The following CAMK4 variants were observed in gnomAD, a reference collection of about 807,000 sequenced individuals.
CAMK4 encodes the protein calcium/calmodulin-dependent protein kinase type IV.
Under a neutral mutation model 44.9 loss-of-function variants are expected in CAMK4, and 22 were observed. The ratio of observed to expected loss-of-function variants is 0.49; its 90% confidence interval spans 0.35 to 0.70. The LOEUF is 0.70. CAMK4 is among the 30% of genes least tolerant of loss of function. CAMK4 has a pLI of 0.01. For synonymous variants in CAMK4, 218 were observed against 215.4 expected (o/e 1.01, Z -0.11); for missense variants, 498 against 586.8 (o/e 0.85, Z 1.56).
chr5:111,472,599 C>T (rs918195549), intron 7 of CAMK4, among the ~76,000 whole-genome samples: 2 of 152,204 alleles, frequency 1.3e-5, no homozygotes, highest in African/African-American at 2.4e-5. Context: ...TGCTATTCTC[C>T]ACACCAGGGC....
chr5:111,342,731 T>C (rs894296915), intron 1 of CAMK4, among the ~76,000 whole-genome samples: 2 of 151,608 alleles, frequency 1.3e-5, no homozygotes, highest in Non-Finnish European at 3.0e-5. Context: ...TATTTCATTT[T>C]AGCTCCATTA....
At chr5:111,398,712 A>G (rs1752111702) in intron 5 of CAMK4, among the ~76,000 whole-genome samples, 1 of 152,166 alleles carries the variant, frequency 6.6e-6, no homozygotes, top group South Asian at 2.1e-4. Flanking sequence ...GTAGGTGTAT[A>G]TTCCTGATTC....
intron 1 of CAMK4, among the ~76,000 whole-genome samples, chr5:111,341,090 A>G (rs1580619013): frequency 6.6e-6 from 1 of 150,844 alleles, no homozygotes; most frequent in African/African-American, 2.4e-5. Flanking sequence ...TTAATGTGTT[A>G]TTTTCTTATC....
chr5:111,403,556 G>T (rs952623619), intron 5 of CAMK4, among the ~76,000 whole-genome samples: 2 of 152,138 alleles, frequency 1.3e-5, no homozygotes, highest in East Asian at 3.8e-4. Flanking sequence ...TTCATATTAA[G>T]AATTGAGAGA....
At chr5:111,438,579 T>C (rs1753724821) in intron 5 of CAMK4, among the ~76,000 whole-genome samples, 2 of 152,160 alleles carry the variant, frequency 1.3e-5, no homozygotes, top group South Asian at 4.1e-4. Flanking sequence ...ATCATAATTT[T>C]TTACATTCAT....
chr5:111,467,898 A>G (rs1246433363), intron 7 of CAMK4, among the ~76,000 whole-genome samples: 1 of 151,378 alleles, frequency 6.6e-6, no homozygotes, highest in Non-Finnish European at 1.5e-5. Context: ...AAACTTGCCC[A>G]AATGGCTATC....
chr5:111,379,231 C>G (rs1751325924), intron 4 of CAMK4, among the ~76,000 whole-genome samples: 1 of 152,156 alleles, frequency 6.6e-6, no homozygotes, highest in Non-Finnish European at 1.5e-5. Context: ...TTACCTACCT[C>G]TATTGGCTTG....
At chr5:111,454,794 C>T (rs57249564) in intron 7 of CAMK4, among the ~76,000 whole-genome samples, 2,803 of 152,044 alleles carry the variant, frequency 0.018, 77 homozygotes, top group African/African-American at 0.065. Flanking sequence ...AACCCACCCA[C>T]GCCAATCCTA....
chr5:111,346,253 A>AG, intron 2 of CAMK4, among the ~76,000 whole-genome samples: 1 of 151,996 alleles, frequency 6.6e-6, no homozygotes, highest in East Asian at 1.9e-4. Flanking sequence ...TCTGCTCCTG[A>AG]GGAAAAAAAA....
At chr5:111,285,788 A>G (rs577328751) in intron 1 of CAMK4, among the ~76,000 whole-genome samples, 2 of 152,202 alleles carry the variant, frequency 1.3e-5, no homozygotes, top group Non-Finnish European at 2.9e-5. Flanking sequence ...ATCAGCAGGT[A>G]AATCTCTACT....
At chr5:111,356,260 T>C (rs1198448145) in intron 2 of CAMK4, among the ~76,000 whole-genome samples, 2 of 151,502 alleles carry the variant, frequency 1.3e-5, no homozygotes, top group African/African-American at 4.8e-5. Context: ...CCAGTGATGA[T>C]GAGCATTTTT....
At chr5:111,273,314 TACAC>T (rs537993783) in intron 1 of CAMK4, among the ~76,000 whole-genome samples, 17 of 152,098 alleles carry the variant, frequency 1.1e-4, no homozygotes, top group South Asian at 2.1e-4. Flanking sequence ...TATAAGCACA[TACAC>T]ACACATTCAC....
intron 4 of CAMK4, among the ~76,000 whole-genome samples, chr5:111,390,292 A>G (rs1483387364): frequency 1.3e-5 from 2 of 152,160 alleles, no homozygotes; most frequent in African/African-American, 2.4e-5. Flanking sequence ...TTGCCTCAAT[A>G]TATTGTTTCT....
intron 1 of CAMK4, among the ~76,000 whole-genome samples, chr5:111,320,440 TAGAA>T (rs943335601): frequency 1.4e-4 from 22 of 152,294 alleles, no homozygotes; most frequent in African/African-American, 5.3e-4. Flanking sequence ...ATTTGTAACT[TAGAA>T]AGCGTTAATG....
intron 1 of CAMK4, among the ~76,000 whole-genome samples, chr5:111,255,147 G>A (rs1189455876): frequency 6.6e-6 from 1 of 152,112 alleles, no homozygotes; most frequent in Non-Finnish European, 1.5e-5. Context: ...CATTTCTGAT[G>A]GACATTGTTT....
At chr5:111,325,585 A>G (rs184855122) in intron 1 of CAMK4, among the ~76,000 whole-genome samples, 5,474 of 152,180 alleles carry the variant, frequency 0.036, 129 homozygotes, top group South Asian at 0.066. Flanking sequence ...CTGGCATGCG[A>G]TGGTATCTCA....
intron 8 of CAMK4, among the ~76,000 whole-genome samples, chr5:111,476,985 ACTCC>A (rs1755268692): frequency 6.6e-6 from 1 of 152,112 alleles, no homozygotes; most frequent in Non-Finnish European, 1.5e-5. Flanking sequence ...ATATAAGGAA[ACTCC>A]TAAACTAAGT....
At chr5:111,443,046 T>G (rs1490149048) in intron 5 of CAMK4, among the ~76,000 whole-genome samples, 1 of 148,936 alleles carries the variant, frequency 6.7e-6, no homozygotes, top group Non-Finnish European at 1.5e-5. Flanking sequence ...AAAAGAGTGT[T>G]GATCTTTCTA....
intron 2 of CAMK4, among the ~76,000 whole-genome samples, chr5:111,349,755 T>C (rs1282321517): frequency 2.0e-5 from 3 of 151,930 alleles, no homozygotes; most frequent in Non-Finnish European, 4.4e-5. Context: ...ACTATAAATG[T>C]GACTTATTTT....
Sources: gnomAD v4.1 joint callset for allele counts (sites outside exome capture counted in the v4.1 genomes callset) on GRCh38, gnomAD v4.1.1 for gene constraint, MANE v1.5 for transcripts, NCBI Gene and HGNC (gene_info 2026-07-23, HGNC 2026-07-21) for gene names.